RALY: variants seen among roughly 807,000 people sequenced by gnomAD.
The protein encoded by RALY is RNA-binding protein Raly.
In RALY, 15 loss-of-function variants were observed where a neutral mutation model predicts 30.7. The observed-to-expected ratio is 0.49, with a 90% confidence interval of 0.33 to 0.75. The LOEUF (loss-of-function observed/expected upper bound fraction) is 0.75. Among genes scored for constraint, RALY ranks in the 30% least tolerant of loss-of-function variants. RALY has a pLI of 0.02. For missense variants in RALY, 339 were observed against 414.3 expected, an observed-to-expected ratio of 0.82 and a Z score of 1.58; for synonymous variants, 177 against 170.8, an observed-to-expected ratio of 1.04 and a Z score of -0.28.
At chr20:34,073,525 A>G (rs1242688263) in intron 3 of RALY, 38 bp from the exon 4 acceptor site, 1 of 1,523,372 alleles carries the variant, frequency 6.6e-7, no homozygotes, top group Admixed American at 1.7e-5. Flanking sequence ...GCACACTGTC[A>G]TGTTAGCATT....
At chr20:34,056,490 G>T (rs1413797212) in intron 2 of RALY, among the ~76,000 whole-genome samples, 1 of 151,964 alleles carries the variant, frequency 6.6e-6, no homozygotes, top group Non-Finnish European at 1.5e-5. Flanking sequence ...ATTCTTCCAG[G>T]GGGGAGATTG....
intron 2 of RALY, among the ~76,000 whole-genome samples, chr20:34,032,914 G>A (rs1050018565): frequency 6.6e-6 from 1 of 152,100 alleles, no homozygotes; most frequent in African/African-American, 2.4e-5. Context: ...GGCTGAACAG[G>A]GCAGGTAGGA....
intron 2 of RALY, among the ~76,000 whole-genome samples, chr20:34,053,055 T>C (rs1241257039): frequency 2.0e-5 from 3 of 152,220 alleles, no homozygotes; most frequent in South Asian, 4.1e-4. Flanking sequence ...TTTTTTTTTT[T>C]CACTCTGTTG....
At chr20:34,000,291 C>T (rs1188538490) in intron 1 of RALY, among the ~76,000 whole-genome samples, 1 of 151,782 alleles carries the variant, frequency 6.6e-6, no homozygotes, top group Non-Finnish European at 1.5e-5. Context: ...GACTAAGGTC[C>T]TTTCTTTTTA....
At chr20:34,056,167 T>C (rs1179319163) in intron 2 of RALY, among the ~76,000 whole-genome samples, 2 of 152,226 alleles carry the variant, frequency 1.3e-5, no homozygotes, top group African/African-American at 4.8e-5. Flanking sequence ...TGTTACATCC[T>C]AGACTCTGGG....
chr20:34,031,023 TTTCCCTCCCC>T (rs1180888341), intron 1 of RALY, among the ~76,000 whole-genome samples: 7 of 139,998 alleles, frequency 5.0e-5, no homozygotes, highest in Non-Finnish European at 6.1e-5. Flanking sequence ...TCCCTCTCCC[TTTCCCTCCCC>T]TTCCCTCCCC....
chr20:34,032,542 A>G (rs987879415), intron 2 of RALY, among the ~76,000 whole-genome samples: 7 of 151,840 alleles, frequency 4.6e-5, no homozygotes, highest in African/African-American at 1.5e-4. Context: ...TTTGGGAGAC[A>G]GGTCTCACTG....
chr20:34,061,654 G>A (rs2033420984), intron 2 of RALY, among the ~76,000 whole-genome samples: 1 of 152,074 alleles, frequency 6.6e-6, no homozygotes, highest in Non-Finnish European at 1.5e-5. Flanking sequence ...ACTGTTTTGG[G>A]GATTATTTGA....
intron 1 of RALY, chr20:34,029,757 C>T (rs2032198905): frequency 6.6e-6 from 1 of 152,220 alleles, no homozygotes; most frequent in African/African-American, 2.4e-5. Flanking sequence ...CTGCCTTTGT[C>T]TTTTGATCCA....
intron 2 of RALY, among the ~76,000 whole-genome samples, chr20:34,067,533 G>A (rs542214797): frequency 6.6e-6 from 1 of 152,266 alleles, no homozygotes; most frequent in South Asian, 2.1e-4. Flanking sequence ...GTACCTTTTA[G>A]GGCTTTTCTA....
At chr20:34,041,777 T>C (rs1383242795) in intron 2 of RALY, among the ~76,000 whole-genome samples, 2 of 152,176 alleles carry the variant, frequency 1.3e-5, no homozygotes, top group African/African-American at 4.8e-5. Flanking sequence ...CAAGTTTACA[T>C]AGTAACCCTT....
chr20:34,002,863 T>C (rs1036592750), intron 1 of RALY, among the ~76,000 whole-genome samples: 6 of 152,206 alleles, frequency 3.9e-5, no homozygotes, highest in Non-Finnish European at 8.8e-5. Context: ...CATGTTGAAT[T>C]ATTTTAAGTT....
chr20:34,057,253 G>A (rs2033273096), intron 2 of RALY, among the ~76,000 whole-genome samples: 1 of 152,144 alleles, frequency 6.6e-6, no homozygotes, highest in Non-Finnish European at 1.5e-5. Context: ...ACATGAACAT[G>A]CTAACAGTTA....
chr20:33,999,586 T>C (rs2030814703), intron 1 of RALY, among the ~76,000 whole-genome samples: 1 of 152,238 alleles, frequency 6.6e-6, no homozygotes, highest in Admixed American at 6.5e-5. Context: ...TTTCGTGTAC[T>C]AGTGTATTCC....
At chr20:34,003,829 CAG>C (rs1035017927) in intron 1 of RALY, among the ~76,000 whole-genome samples, 9 of 151,968 alleles carry the variant, frequency 5.9e-5, no homozygotes, top group African/African-American at 2.2e-4. Context: ...TTAGTAGAGA[CAG>C]GGTTTCACCG....
intron 1 of RALY, chr20:34,029,872 T>G (rs1268633676): frequency 6.6e-6 from 1 of 152,248 alleles, no homozygotes; most frequent in East Asian, 1.9e-4. Flanking sequence ...CAACTTTCAT[T>G]CCCTCTGAAA....
chr20:34,044,581 G>A (rs977576718), intron 2 of RALY, among the ~76,000 whole-genome samples: 5 of 152,030 alleles, frequency 3.3e-5, no homozygotes, highest in East Asian at 1.9e-4. Context: ...CAGGTGATCC[G>A]CCTGCCTCGG....
chr20:34,031,269 C>T (rs1206959543), intron 1 of RALY, among the ~76,000 whole-genome samples: 3 of 149,286 alleles, frequency 2.0e-5, no homozygotes, highest in African/African-American at 5.0e-5. Flanking sequence ...CCATGTTGGC[C>T]GGGCTCGTCT....
intron 1 of RALY, among the ~76,000 whole-genome samples, chr20:34,024,107 C>T (rs1220376093): frequency 6.6e-6 from 1 of 152,112 alleles, no homozygotes; most frequent in African/African-American, 2.4e-5. Flanking sequence ...TGACTTTGGA[C>T]AGATTCCCCT....
Sources: gnomAD v4.1 joint callset for allele counts (sites outside exome capture counted in the v4.1 genomes callset) on GRCh38, gnomAD v4.1.1 for gene constraint, MANE v1.5 for transcripts, NCBI Gene and HGNC (gene_info 2026-07-23, HGNC 2026-07-21) for gene names.